The following PRKCB variants were observed in gnomAD, a reference collection of about 807,000 sequenced individuals.
PRKCB encodes the protein protein kinase C beta, also known as protein kinase C beta type.
Under a neutral mutation model 81.5 loss-of-function variants are expected in PRKCB, and 13 were observed. The observed-to-expected ratio is 0.16, with a 90% confidence interval of 0.10 to 0.25. The LOEUF (loss-of-function observed/expected upper bound fraction) is 0.25. Among genes scored for constraint, PRKCB ranks in the 10% least tolerant of loss-of-function variants. The probability of loss-of-function intolerance (pLI) is 1.00; values close to 1 mark genes in which losing one functional copy is unlikely to be tolerated. For synonymous variants in PRKCB, 335 were observed against 321.4 expected (o/e 1.04, Z -0.45); for missense variants, 509 against 875.7 (o/e 0.58, Z 5.29).
chr16:24,066,816 A>G lies in PRKCB; in HGVS notation c.530-25975A>G, dbSNP rs1306601573. On this transcript the variant is annotated intron_variant, in intron 5 of 16. Transcript: ENST00000643927. ...TGGTAGAATGTCCATCCACTTGGGA[A>G]TTATTGTATGTTTAATTCTAAAGCT... is the stretch of plus-strand genomic sequence containing the variant. 7.9e-5 allele frequency among the ~76,000 whole-genome samples: 12 copies of G among 152,306 alleles called. No homozygotes were observed. The East Asian group carries it at 1.9e-3, about 24-fold the overall frequency.
At chr16:24,021,231 T>TTTCCTCCC (rs1965388035) in intron 3 of PRKCB, among the ~76,000 whole-genome samples, 3 of 13,600 alleles carry the variant, frequency 2.2e-4, no homozygotes, top group African/African-American at 7.8e-4. Context: ...TCTTTCTTTC[T>TTTCCTCCC]TTCCTTCCTT....
intron 3 of PRKCB, among the ~76,000 whole-genome samples, chr16:24,018,899 A>G (rs1005432584): frequency 1.3e-5 from 2 of 152,050 alleles, no homozygotes; most frequent in African/African-American, 2.4e-5. Context: ...TGCTCAGACA[A>G]TCTCCGTCCA....
chr16:23,976,816 AG>A (rs930323298), intron 2 of PRKCB, among the ~76,000 whole-genome samples: 1 of 152,154 alleles, frequency 6.6e-6, no homozygotes, highest in African/African-American at 2.4e-5. Context: ...CCAAACAGGA[AG>A]GATGTCCCCA....
chr16:23,912,086 C>T (rs1161791789), intron 2 of PRKCB, among the ~76,000 whole-genome samples: 1 of 152,066 alleles, frequency 6.6e-6, no homozygotes, highest in Non-Finnish European at 1.5e-5. Context: ...CCCACCTCCG[C>T]CTCCCAAAGC....
At chr16:24,005,050 G>T (rs903104434) in intron 3 of PRKCB, among the ~76,000 whole-genome samples, 1 of 152,110 alleles carries the variant, frequency 6.6e-6, no homozygotes, top group Admixed American at 6.6e-5. Flanking sequence ...GGGATAAGGG[G>T]AATGTTCTGT....
intron 3 of PRKCB, 161 bp from the exon 4 acceptor site, chr16:24,031,975 C>T (rs1411067017): frequency 4.2e-5 from 23 of 551,950 alleles, no homozygotes; most frequent in Middle Eastern, 4.8e-4. Flanking sequence ...TATCCAGCAC[C>T]GTTTCTGGGC....
intron 2 of PRKCB, among the ~76,000 whole-genome samples, chr16:23,926,593 T>C (rs2141751732): frequency 6.6e-6 from 1 of 151,458 alleles, no homozygotes; most frequent in African/African-American, 2.4e-5. Flanking sequence ...TACATACATA[T>C]ACCACACACA....
At chr16:24,185,366 G>C in intron 14 of PRKCB, 94 bp from the exon 15 acceptor site, 1 of 1,285,766 alleles carries the variant, frequency 7.8e-7, no homozygotes, top group African/African-American at 1.5e-5. Flanking sequence ...TGGCTTCACT[G>C]TGGGCCCCAG....
chr16:24,116,747 A>G (rs1002302920), intron 8 of PRKCB, among the ~76,000 whole-genome samples: 2 of 151,730 alleles, frequency 1.3e-5, no homozygotes, highest in Non-Finnish European at 2.9e-5. Flanking sequence ...CTTTCCCCCA[A>G]CTTGCTGATG....
Position 24,171,111 on chromosome 16 carries a change from A to T in PRKCB, c.1240-1159A>T, listed in dbSNP as rs567986003. Among the ~76,000 whole-genome samples, 15 of 152,350 alleles carry T rather than the reference A, an allele frequency of 9.8e-5. No individual in the cohort carries two copies. In the East Asian group the frequency reaches 2.5e-3, roughly 25 times the overall value. ...TGGCTTAAAACAATAAGCATTTATT[A>T]TCTCAGTTTCTGTGGGGCAGGAATT... On this transcript the variant is annotated intron_variant, in intron 10 of 16. Coordinates refer to ENST00000643927, the MANE Select transcript of PRKCB (RefSeq NM_002738.7).
At chr16:23,966,882 T>C (rs1964494475) in intron 2 of PRKCB, among the ~76,000 whole-genome samples, 1 of 152,204 alleles carries the variant, frequency 6.6e-6, no homozygotes, top group Non-Finnish European at 1.5e-5. Flanking sequence ...TAAGCTCTGA[T>C]GACTCTGTTG....
chr16:24,022,307 G>T (rs866206781), intron 3 of PRKCB, among the ~76,000 whole-genome samples: 22 of 151,956 alleles, frequency 1.4e-4, no homozygotes, highest in African/African-American at 4.6e-4. Context: ...GGCAGGAAAG[G>T]GGAAAGAGAG....
intron 9 of PRKCB, among the ~76,000 whole-genome samples, chr16:24,133,142 C>T (rs1289907038): frequency 1.3e-5 from 2 of 152,024 alleles, no homozygotes; most frequent in Non-Finnish European, 2.9e-5. Context: ...CTTTGGGAGG[C>T]CAAGGCAGGA....
intron 9 of PRKCB, among the ~76,000 whole-genome samples, chr16:24,140,347 G>A (rs538838119): frequency 5.3e-5 from 8 of 152,336 alleles, no homozygotes; most frequent in African/African-American, 1.9e-4. Context: ...GGTGAATGCA[G>A]TGTACTGAGT....
chr16:23,985,103 G>A (rs182876947), intron 2 of PRKCB, among the ~76,000 whole-genome samples: 367 of 152,054 alleles, frequency 2.4e-3, no homozygotes, highest in African/African-American at 8.3e-3. Context: ...TGTTTGTTTT[G>A]TGTTTTGAGA....
intron 16 of PRKCB, among the ~76,000 whole-genome samples, chr16:24,202,016 A>AC (rs1967964933): frequency 6.6e-6 from 1 of 151,114 alleles, no homozygotes. Context: ...AGCCTGGGCA[A>AC]AAGAGCGAGA....
At chr16:23,875,580 A>ATATGTATGTATATCATACACATATG (rs10664900) in intron 2 of PRKCB, among the ~76,000 whole-genome samples, 2 of 15,154 alleles carry the variant, frequency 1.3e-4, no homozygotes, top group South Asian at 4.5e-3. Flanking sequence ...TATCAAACAC[A>ATATGTATGTATATCATACACATATG]TATGTATATC....
chr16:23,960,949 C>T (rs190662126), intron 2 of PRKCB, among the ~76,000 whole-genome samples: 73 of 152,334 alleles, frequency 4.8e-4, no homozygotes, highest in Admixed American at 8.5e-4. Context: ...AATGGATGTC[C>T]CTTCTTAAAA....
At position 24,064,684 on chromosome 16, in the gene PRKCB, A is replaced by G. The variant is rs144382470; in HGVS notation, c.530-28107A>G. ...TGAAAGAATTGGATTTAAGTCTCCT[A>G]TTATGATTCTGGGTTTTTTTCCTTT... On this transcript the variant is annotated intron_variant, in intron 5 of 16. Transcript: ENST00000643927. 1.6e-4 allele frequency among the ~76,000 whole-genome samples: 25 copies of G among 152,152 alleles called. No homozygotes were observed. In the East Asian group the frequency reaches 3.7e-3, roughly 22 times the overall value.
Sources: gnomAD v4.1 joint callset for allele counts (sites outside exome capture counted in the v4.1 genomes callset) on GRCh38, gnomAD v4.1.1 for gene constraint, MANE v1.5 for transcripts, NCBI Gene and HGNC (gene_info 2026-07-23, HGNC 2026-07-21) for gene names.